Variants in DKK3 observed in about 807,000 individuals in gnomAD.
The protein encoded by DKK3 is dickkopf-related protein 3.
A neutral mutation model predicts 33.2 loss-of-function variants in DKK3; 22 were observed. The ratio of observed to expected loss-of-function variants is 0.66; its 90% confidence interval spans 0.47 to 0.95. DKK3 has a LOEUF of 0.95. Among genes scored for constraint, DKK3 ranks in the 40% least tolerant of loss-of-function variants. DKK3 has a pLI of 0.00. For missense variants in DKK3, 398 were observed against 458.4 expected (o/e 0.87, Z 1.20); for synonymous variants, 194 against 188.8 (o/e 1.03, Z -0.23).
Position 12,008,574 on chromosome 11 carries a change from C to A in DKK3, c.9G>T (p.Arg3=), listed in dbSNP as rs1163840436. MQ[R]LGATLLCLLL... is the part of the protein sequence containing the mutation. ...GCAGGCACAGCAGGGTGGCCCCAAGCCGCTGCATCTCCGCTCTGCGCCCGC... is the reference window on the plus strand; with the variant it reads ...GCAGGCACAGCAGGGTGGCCCCAAGACGCTGCATCTCCGCTCTGCGCCCGC... The change falls in exon 1 of 7, where the codon CGG becomes CGT. Residue 3 remains arginine (R), a synonymous_variant. Transcript: ENST00000683431. The surrounding 1 kb of genome is among the most constrained non-coding windows in gnomAD (Gnocchi z 4.6). 3 of 1,472,220 alleles carry A rather than the reference C, an allele frequency of 2.0e-6. No homozygotes were observed. The highest frequency in any genetic ancestry group is 2.7e-6 in the Non-Finnish European group (3 of 1,121,460). The allele number at this position is 1,472,220 out of a possible 1,614,324, so 91.2% of individuals were successfully genotyped here.
intron 2 of DKK3, among the ~76,000 whole-genome samples, chr11:11,999,018 A>T (rs1848364992): frequency 6.6e-6 from 1 of 152,158 alleles, no homozygotes; most frequent in South Asian, 2.1e-4. Flanking sequence ...TGAGGAGGAA[A>T]TGAGGGGATC....
At chr11:11,977,339 C>G (rs963974661) in intron 3 of DKK3, among the ~76,000 whole-genome samples, 1 of 152,024 alleles carries the variant, frequency 6.6e-6, no homozygotes, top group Non-Finnish European at 1.5e-5. Flanking sequence ...CCTCTGGGAG[C>G]CTTCTCTCTT....
intron 3 of DKK3, among the ~76,000 whole-genome samples, chr11:11,975,531 C>A (rs538721927): frequency 6.6e-6 from 1 of 152,292 alleles, no homozygotes; most frequent in South Asian, 2.1e-4. Flanking sequence ...GTGAGATAAA[C>A]AAATAATCCT....
chr11:11,970,902 T>TTG (rs1219257702), intron 3 of DKK3, among the ~76,000 whole-genome samples: 1 of 152,184 alleles, frequency 6.6e-6, no homozygotes, highest in Admixed American at 6.5e-5. Context: ...AACAGTAAAT[T>TTG]TGTGTTGTTT....
intron 3 of DKK3, among the ~76,000 whole-genome samples, chr11:11,984,669 A>G (rs1175984611): frequency 1.1e-4 from 17 of 151,184 alleles, no homozygotes; most frequent in African/African-American, 3.7e-4. Flanking sequence ...AAAAAAAAAA[A>G]AAAGAAAAAG....
intron 2 of DKK3, among the ~76,000 whole-genome samples, chr11:12,000,824 T>C (rs1459917137): frequency 6.6e-6 from 1 of 152,316 alleles, no homozygotes; most frequent in Non-Finnish European, 1.5e-5. Context: ...TGGCCGAAGA[T>C]TGGTGTTCTA....
At chr11:11,967,932 T>C (rs555873242) in intron 4 of DKK3, among the ~76,000 whole-genome samples, 11 of 152,272 alleles carry the variant, frequency 7.2e-5, no homozygotes, top group African/African-American at 2.4e-4. Context: ...CCGCTCTCCC[T>C]GCCTGGGGGC....
At chr11:12,008,692 C>T (rs966923760), upstream of DKK3, 1 of 1,217,148 alleles carries the variant, frequency 8.2e-7, no homozygotes, top group Non-Finnish European at 1.0e-6. This position sits in a 1 kb window ranked among gnomAD's most constrained non-coding sequence, Gnocchi z 4.6. Context: ...GCCCCGCCGC[C>T]CGCCCCTGGC....
upstream of DKK3, chr11:12,008,803 C>T: frequency 8.4e-7 from 1 of 1,184,292 alleles, no homozygotes; most frequent in Non-Finnish European, 1.0e-6. This position sits in a 1 kb window ranked among gnomAD's most constrained non-coding sequence, Gnocchi z 4.6. Flanking sequence ...CCGCTCCAGC[C>T]CGAGCCCCGA....
upstream of DKK3, chr11:12,009,118 G>A (rs1052038991): frequency 1.0e-6 from 1 of 984,698 alleles, no homozygotes; most frequent in African/African-American, 1.8e-5. Context: ...CATCCACCAA[G>A]AGAGGCTGAG....
intron 3 of DKK3, among the ~76,000 whole-genome samples, chr11:11,988,571 C>CA (rs1848119751): frequency 6.6e-6 from 1 of 152,216 alleles, no homozygotes; most frequent in Non-Finnish European, 1.5e-5. Context: ...ATCATCACCA[C>CA]AAAACCTCCT....
chr11:11,986,231 T>C (rs7113678), intron 3 of DKK3, among the ~76,000 whole-genome samples: 72,617 of 152,060 alleles, frequency 0.48, 19,231 homozygotes, highest in East Asian at 0.89. Flanking sequence ...ATTATGAGAC[T>C]ATGGAAAATT....
chr11:11,977,677 C>T (rs537707386), intron 3 of DKK3, among the ~76,000 whole-genome samples: 153 of 152,208 alleles, frequency 1.0e-3, no homozygotes, highest in African/African-American at 3.3e-3. Flanking sequence ...TGAGCCTGGC[C>T]GGGGTCTATT....
At chr11:11,968,616 G>C in intron 3 of DKK3, 129 bp from the exon 4 acceptor site, 1 of 791,922 alleles carries the variant, frequency 1.3e-6, no homozygotes, top group Non-Finnish European at 2.0e-6. Context: ...GTCAGGAAAG[G>C]CCTCCAGACT....
intron 3 of DKK3, among the ~76,000 whole-genome samples, chr11:11,985,446 C>T (rs1412719289): frequency 6.6e-6 from 1 of 152,194 alleles, no homozygotes; most frequent in African/African-American, 2.4e-5. Flanking sequence ...TAAAACCTAA[C>T]CAGTTATGTT....
rs575096815 is a variant in DKK3 at position 12,006,630 on chromosome 11, C to T, written c.213+1740G>A. Among the ~76,000 whole-genome samples the T allele has an allele frequency of 9.8e-5, 15 of 152,316 alleles. No homozygotes were observed. In the East Asian group the frequency reaches 2.3e-3, roughly 23 times the overall value. ...AGAGCCACATCTAGAGGGAGGAAAG[C>T]TGGGGTCTTGGCAAAATCCAGTCTG... On this transcript the variant is annotated intron_variant, in intron 1 of 6. Transcript: ENST00000683431.
chr11:12,006,094 C>T (rs1198089265), intron 1 of DKK3, among the ~76,000 whole-genome samples: 3 of 152,166 alleles, frequency 2.0e-5, no homozygotes, highest in South Asian at 2.1e-4. Context: ...CTGTATTACA[C>T]GTGTTTTACT....
At chr11:11,988,140 T>G (rs1848109898) in intron 3 of DKK3, among the ~76,000 whole-genome samples, 1 of 152,202 alleles carries the variant, frequency 6.6e-6, no homozygotes, top group Non-Finnish European at 1.5e-5. Context: ...ATTCTACCAC[T>G]ATGCTCCCCT....
chr11:11,995,294 C>T (rs561898438), intron 3 of DKK3, among the ~76,000 whole-genome samples: 80 of 152,112 alleles, frequency 5.3e-4, no homozygotes, highest in African/African-American at 1.8e-3. Context: ...TTTCTTACCC[C>T]GGTTGGTCTT....
Sources: gnomAD v4.1 joint callset for allele counts (sites outside exome capture counted in the v4.1 genomes callset) on GRCh38, gnomAD v4.1.1 for gene constraint, Gnocchi (gnomAD v3.1) non-coding constraint, MANE v1.5 for transcripts, NCBI Gene and HGNC (gene_info 2026-07-23, HGNC 2026-07-21) for gene names.